Variants in EPM2A observed in about 807,000 individuals in gnomAD.
EPM2A encodes laforin.
In EPM2A, 21 loss-of-function variants were observed where a neutral mutation model predicts 26.5. The observed-to-expected ratio is 0.79, with a 90% CI of 0.56 to 1.14. The LOEUF is 1.14. Ranked by LOEUF, EPM2A falls within the 50% of genes most tolerant of loss-of-function variation. EPM2A has a pLI of 0.00. For synonymous variants in EPM2A, 217 were observed against 177.6 expected, an observed-to-expected ratio of 1.22 and a Z score of -1.76; for missense variants, 458 against 440.8, an observed-to-expected ratio of 1.04 and a Z score of -0.35.
At chr6:145,697,905 A>G (rs1023919388) in intron 1 of EPM2A, among the ~76,000 whole-genome samples, 2 of 152,182 alleles carry the variant, frequency 1.3e-5, no homozygotes, top group Admixed American at 1.3e-4. Flanking sequence ...TCCTGAGGCG[A>G]CATACATCCT....
chr6:145,664,606 A>T (rs907892214), intron 2 of EPM2A, among the ~76,000 whole-genome samples: 8 of 151,768 alleles, frequency 5.3e-5, no homozygotes, highest in African/African-American at 1.9e-4. Flanking sequence ...CAGATCAACG[A>T]GACAGAAAGT....
At chr6:145,674,406 G>A (rs952308482) in intron 2 of EPM2A, among the ~76,000 whole-genome samples, 1 of 152,138 alleles carries the variant, frequency 6.6e-6, no homozygotes, top group Non-Finnish European at 1.5e-5. Flanking sequence ...GTTCCTTGGG[G>A]GCAATGGAAC....
chr6:145,515,736 A>C (rs1177517803), intron 2 of EPM2A, among the ~76,000 whole-genome samples: 1 of 152,326 alleles, frequency 6.6e-6, no homozygotes, highest in Non-Finnish European at 1.5e-5. Flanking sequence ...CATTCAAACC[A>C]CAGTAAGGCA....
At chr6:145,417,844 C>T (rs769043509) in intron 4 of EPM2A, among the ~76,000 whole-genome samples, 1 of 152,190 alleles carries the variant, frequency 6.6e-6, no homozygotes, top group East Asian at 1.9e-4. Context: ...GGCTATATTT[C>T]CACACACCTC....
chr6:145,433,689 C>G (rs1778950088), intron 4 of EPM2A, among the ~76,000 whole-genome samples: 1 of 152,122 alleles, frequency 6.6e-6, no homozygotes. Flanking sequence ...CATTGTATAA[C>G]AGATCCAATT....
intron 2 of EPM2A, among the ~76,000 whole-genome samples, chr6:145,503,723 C>A (rs1779929558): frequency 1.2e-5 from 1 of 83,498 alleles, no homozygotes. Context: ...TGACTTTCTT[C>A]ACAGAATTGG....
rs78103783 is a variant in EPM2A at position 145,494,112 on chromosome 6, G to C, written c.555+8410C>G. Among the ~76,000 whole-genome samples, 10 of 152,150 alleles carry C rather than the reference G, an allele frequency of 6.6e-5. No homozygotes were observed. The South Asian group carries it at 2.1e-3, about 32-fold the overall frequency. On this transcript the variant is annotated intron_variant, in intron 4 of 4. Coordinates refer to the EPM2A transcript ENST00000638717. ...AATTCAGCTGACAATCTGTCTGGTC[G>C]TGGGCTTTTTTAGGTTAGAAGGCTA...
intron 2 of EPM2A, among the ~76,000 whole-genome samples, chr6:145,663,300 G>A (rs113235870): frequency 0.067 from 10,164 of 152,234 alleles, 1,136 homozygotes; most frequent in African/African-American, 0.23. Flanking sequence ...AGCTCCCAGC[G>A]TGAGCGACGC....
chr6:145,539,784 G>A (rs1780482135), intron 2 of EPM2A, among the ~76,000 whole-genome samples: 1 of 151,960 alleles, frequency 6.6e-6, no homozygotes, highest in South Asian at 2.1e-4. Context: ...GATCCTGAAG[G>A]GCTACCTCTC....
At chr6:145,621,564 C>A (rs562611217), downstream of EPM2A, among the ~76,000 whole-genome samples, 2 of 151,512 alleles carry the variant, frequency 1.3e-5, no homozygotes, top group South Asian at 4.2e-4. Flanking sequence ...CAAGACTGTG[C>A]AAGGATTCCC....
At chr6:145,651,443 A>G (rs1428036608) in intron 2 of EPM2A, among the ~76,000 whole-genome samples, 1 of 152,218 alleles carries the variant, frequency 6.6e-6, no homozygotes, top group African/African-American at 2.4e-5. Flanking sequence ...AGATTCTCAG[A>G]AGGGAGCTGA....
intron 4 of EPM2A, among the ~76,000 whole-genome samples, chr6:145,481,752 T>C (rs1582789004): frequency 6.6e-6 from 1 of 152,178 alleles, no homozygotes; most frequent in East Asian, 1.9e-4. Context: ...TAATTTATTA[T>C]ATAGAAATGA....
chr6:145,529,121 CA>C (rs1038511104), intron 2 of EPM2A, among the ~76,000 whole-genome samples: 29 of 138,514 alleles, frequency 2.1e-4, no homozygotes, highest in African/African-American at 7.3e-4. Flanking sequence ...TATGGATAAG[CA>C]AAAAAAGTAG....
intron 2 of EPM2A, among the ~76,000 whole-genome samples, chr6:145,546,124 T>G (rs1780580535): frequency 6.6e-6 from 1 of 152,156 alleles, no homozygotes; most frequent in African/African-American, 2.4e-5. Context: ...ATCTGCAAGC[T>G]GCAGAACTAG....
chr6:145,516,126 A>T (rs1780122955), intron 2 of EPM2A, among the ~76,000 whole-genome samples: 1 of 152,160 alleles, frequency 6.6e-6, no homozygotes, highest in South Asian at 2.1e-4. Flanking sequence ...TACAATAATT[A>T]TTGCCACCAT....
chr6:145,420,099 G>A (rs565432410), intron 4 of EPM2A, among the ~76,000 whole-genome samples: 3 of 152,132 alleles, frequency 2.0e-5, no homozygotes, highest in East Asian at 3.9e-4. Flanking sequence ...TATTTATAAT[G>A]AATATGCTTG....
chr6:145,492,378 C>G (rs1237471055), intron 4 of EPM2A, among the ~76,000 whole-genome samples: 1 of 152,092 alleles, frequency 6.6e-6, no homozygotes, highest in Admixed American at 6.5e-5. Flanking sequence ...TACCTGCCAC[C>G]CCCAAGGCCC....
At chr6:145,686,061 C>T in intron 2 of EPM2A, 61 bp downstream of exon 2, 1 of 1,471,224 alleles carries the variant, frequency 6.8e-7, no homozygotes, top group South Asian at 1.1e-5. Context: ...TAAATATTTC[C>T]ATTGTGCTAA....
chr6:145,578,943 T>C (rs1026407710), intron 2 of EPM2A, among the ~76,000 whole-genome samples: 46 of 152,062 alleles, frequency 3.0e-4, no homozygotes, highest in African/African-American at 1.1e-3. Context: ...TAGGTGGGAA[T>C]TGAACAATGA....
Sources: gnomAD v4.1 joint callset for allele counts (sites outside exome capture counted in the v4.1 genomes callset) on GRCh38, gnomAD v4.1.1 for gene constraint, MANE v1.5 for transcripts, NCBI Gene and HGNC (gene_info 2026-07-23, HGNC 2026-07-21) for gene names.